KCNT2: variants seen among roughly 807,000 people sequenced by gnomAD.
KCNT2 encodes potassium channel subfamily T member 2.
Under a neutral mutation model 153.8 loss-of-function variants are expected in KCNT2, and 67 were observed. The ratio of observed to expected loss-of-function variants is 0.44; its 90% CI spans 0.36 to 0.53. The LOEUF (loss-of-function observed/expected upper bound fraction) is 0.53, where lower values mean the gene tolerates loss of function less well. Among genes scored for constraint, KCNT2 ranks in the 20% least tolerant of loss-of-function variants. The pLI is 0.00. For missense variants in KCNT2, 975 were observed against 1,354.8 expected (o/e 0.72, Z 4.40); for synonymous variants, 500 against 458.8 (o/e 1.09, Z -1.15).
intron 13 of KCNT2, among the ~76,000 whole-genome samples, chr1:196,379,480 G>A (rs987667022): frequency 2.0e-5 from 3 of 151,918 alleles, no homozygotes; most frequent in Non-Finnish European, 4.4e-5. Context: ...GCTGAGGCAG[G>A]AGAATCACTT....
intron 1 of KCNT2, among the ~76,000 whole-genome samples, chr1:196,501,213 A>G (rs1267517149): frequency 6.6e-6 from 1 of 152,228 alleles, no homozygotes; most frequent in Non-Finnish European, 1.5e-5. Context: ...ATGTACCCAA[A>G]GGGAAAGAAG....
At chr1:196,382,270 T>TA (rs1205202591) in intron 13 of KCNT2, among the ~76,000 whole-genome samples, 1 of 130,432 alleles carries the variant, frequency 7.7e-6, no homozygotes, top group Non-Finnish European at 1.7e-5. Flanking sequence ...GGCTATTTTT[T>TA]ATTTTTTTTT....
At chr1:196,373,028 T>C (rs74136529) in intron 14 of KCNT2, 112 bp downstream of exon 14, 6,026 of 586,326 alleles carry the variant, frequency 0.01, 261 homozygotes, top group African/African-American at 0.1. Context: ...AATTCAAGTA[T>C]AGGTACATAT....
At chr1:196,378,110 G>A (rs12405050) in intron 13 of KCNT2, among the ~76,000 whole-genome samples, 20,582 of 152,018 alleles carry the variant, frequency 0.14, 2,400 homozygotes, top group African/African-American at 0.32. Context: ...GAATATGAAT[G>A]GACAAAGGAA....
At chr1:196,240,764 T>A (rs1654879104) in intron 26 of KCNT2, among the ~76,000 whole-genome samples, 1 of 152,038 alleles carries the variant, frequency 6.6e-6, no homozygotes, top group Non-Finnish European at 1.5e-5. Context: ...GGTCAGCAGT[T>A]TGAATTTTAT....
intron 1 of KCNT2, among the ~76,000 whole-genome samples, chr1:196,505,715 AG>A (rs1477629184): frequency 6.6e-6 from 1 of 152,062 alleles, no homozygotes; most frequent in East Asian, 1.9e-4. Context: ...CCTACCCATG[AG>A]CATGGAATGT....
intron 25 of KCNT2, among the ~76,000 whole-genome samples, chr1:196,265,144 C>T (rs1657415948): frequency 6.6e-6 from 1 of 152,054 alleles, no homozygotes; most frequent in African/African-American, 2.4e-5. Flanking sequence ...GGGTATTATC[C>T]CATCTATGAA....
intron 12 of KCNT2, among the ~76,000 whole-genome samples, chr1:196,415,121 C>A (rs967313576): frequency 3.3e-5 from 5 of 151,802 alleles, no homozygotes; most frequent in African/African-American, 1.2e-4. Flanking sequence ...TGATCTGGAC[C>A]AAGCTCTCAT....
At chr1:196,299,277 G>C (rs1660959877) in intron 22 of KCNT2, among the ~76,000 whole-genome samples, 1 of 151,862 alleles carries the variant, frequency 6.6e-6, no homozygotes, top group African/African-American at 2.4e-5. Flanking sequence ...GTTGGGAGAA[G>C]GTGTCAATGA....
intron 1 of KCNT2, among the ~76,000 whole-genome samples, chr1:196,577,782 A>C (rs1010247311): frequency 2.0e-5 from 3 of 152,166 alleles, no homozygotes; most frequent in African/African-American, 7.2e-5. Flanking sequence ...AGCAAGACCT[A>C]AAAGGATCAA....
rs146448259 is a variant in KCNT2, at chr1:196,395,438, C to T, written c.1294+3125G>A. Among the ~76,000 whole-genome samples, 479 of 151,650 alleles carry T rather than the reference C, an allele frequency of 3.2e-3. 2 individuals are homozygous for T. The highest frequency in any genetic ancestry group is 4.9e-3 in the Non-Finnish European group (335 of 67,718). On this transcript the variant is annotated intron_variant, in intron 13 of 27. Transcript: ENST00000294725. The stretch of plus-strand genomic sequence containing the variant: ...CAATACAAATTTGTTATGAAGATGA[C>T]GAATAGGCACTCAAGATATAAATTA...
chr1:196,563,621 A>AT (rs1659720163), intron 1 of KCNT2, among the ~76,000 whole-genome samples: 1 of 151,942 alleles, frequency 6.6e-6, no homozygotes, highest in African/African-American at 2.4e-5. Context: ...CCTCAACAAA[A>AT]TACTAGCAAG....
At chr1:196,261,135 T>C (rs1239688118) in intron 25 of KCNT2, among the ~76,000 whole-genome samples, 2 of 151,984 alleles carry the variant, frequency 1.3e-5, no homozygotes, top group African/African-American at 4.8e-5. Flanking sequence ...GTTTTAAACA[T>C]GCCATCATAA....
intron 25 of KCNT2, among the ~76,000 whole-genome samples, chr1:196,271,773 C>T (rs186741666): frequency 5.9e-5 from 9 of 151,838 alleles, no homozygotes; most frequent in Non-Finnish European, 8.8e-5. Flanking sequence ...TAGGATGCAT[C>T]GAAGGTCAGT....
chr1:196,441,266 T>C (rs957710117), intron 8 of KCNT2, among the ~76,000 whole-genome samples: 2 of 151,750 alleles, frequency 1.3e-5, no homozygotes, highest in African/African-American at 2.4e-5. Context: ...TTGCAGTATC[T>C]AGATTCATGG....
chr1:196,592,431 A>T (rs1663480615), intron 1 of KCNT2, among the ~76,000 whole-genome samples: 1 of 148,652 alleles, frequency 6.7e-6, no homozygotes, highest in African/African-American at 2.5e-5. Context: ...TATATATATA[A>T]TCTTATTCAT....
chr1:196,272,006 A>C (rs1412791460), intron 25 of KCNT2, among the ~76,000 whole-genome samples: 1 of 151,938 alleles, frequency 6.6e-6, no homozygotes, highest in Non-Finnish European at 1.5e-5. Context: ...CTCACTCCAC[A>C]CATCTCTGCC....
intron 1 of KCNT2, among the ~76,000 whole-genome samples, chr1:196,564,938 C>G (rs907739065): frequency 6.6e-6 from 1 of 151,718 alleles, no homozygotes; most frequent in Admixed American, 6.6e-5. Flanking sequence ...GGATATCACC[C>G]CTTATGCATA....
chr1:196,520,367 C>T (rs1330058796), intron 1 of KCNT2, among the ~76,000 whole-genome samples: 1 of 151,804 alleles, frequency 6.6e-6, no homozygotes, highest in Non-Finnish European at 1.5e-5. Context: ...TAGGCAAAAG[C>T]TAGAAGCATT....
Sources: gnomAD v4.1 joint callset for allele counts (sites outside exome capture counted in the v4.1 genomes callset) on GRCh38, gnomAD v4.1.1 for gene constraint, MANE v1.5 for transcripts, NCBI Gene and HGNC (gene_info 2026-07-23, HGNC 2026-07-21) for gene names.